The following MSI2 variants were observed in gnomAD, a reference collection of about 807,000 sequenced individuals.
The protein encoded by MSI2 is RNA-binding protein Musashi homolog 2.
In MSI2, 17 loss-of-function variants were observed where a neutral mutation model predicts 45.6. That is an observed-to-expected ratio of 0.37 (90% confidence interval 0.26 to 0.56). The LOEUF (loss-of-function observed/expected upper bound fraction) is 0.56. MSI2 is among the 20% of genes least tolerant of loss of function. MSI2 has a pLI of 0.77. For missense variants in MSI2, 293 were observed against 444.2 expected (o/e 0.66, Z 3.06); for synonymous variants, 156 against 158.2 (o/e 0.99, Z 0.11).
rs1193320236 is a variant in MSI2 at position 57,400,033 on chromosome 17, G to C, written c.313-1346G>C. Among the ~76,000 whole-genome samples the C allele has an allele frequency of 2.6e-5, 4 of 152,190 alleles. No homozygotes were observed. In the East Asian group the frequency reaches 7.7e-4, roughly 29 times the overall value. ...ATGCTTCAGCATCCTACATCACATC[G>C]AGTTGCAGTAGAAACAGATGACATT... On this transcript the variant is annotated intron_variant, in intron 5 of 13. Transcript: ENST00000284073.
intron 11 of MSI2, among the ~76,000 whole-genome samples, chr17:57,653,033 C>T (rs960149890): frequency 4.0e-5 from 6 of 148,966 alleles, no homozygotes; most frequent in South Asian, 2.3e-4. Flanking sequence ...CCACGCCCCA[C>T]GGACAGGGCT....
At chr17:57,565,386 C>T (rs904949375) in intron 7 of MSI2, among the ~76,000 whole-genome samples, 3 of 152,222 alleles carry the variant, frequency 2.0e-5, no homozygotes, top group Non-Finnish European at 2.9e-5. Context: ...TCAGTGCACT[C>T]AGTGCTCCCG....
At position 57,661,080 on chromosome 17, in the gene MSI2, A is replaced by T. The variant is rs543804335; in HGVS notation, c.790+8919A>T. Reference sequence around the variant, plus strand: ...TTGTAAACACTCCATAGATGTTAGTATATAGCTGCTCAAGAAGCAGTAGGC... The same window carrying T: ...TTGTAAACACTCCATAGATGTTAGTTTATAGCTGCTCAAGAAGCAGTAGGC... On this transcript the variant is annotated intron_variant, in intron 11 of 13. Coordinates refer to ENST00000284073, the MANE Select transcript of MSI2 (RefSeq NM_138962.4). Among the ~76,000 whole-genome samples, 4 of 152,352 alleles carry T rather than the reference A, an allele frequency of 2.6e-5. 2 individuals carry two copies. Among genetic ancestry groups the T allele is most frequent in the East Asian group, 3.9e-4 (2 of 5,184 alleles).
At chr17:57,350,888 G>T (rs1476969993) in intron 5 of MSI2, among the ~76,000 whole-genome samples, 1 of 152,108 alleles carries the variant, frequency 6.6e-6, no homozygotes, top group Non-Finnish European at 1.5e-5. Flanking sequence ...TTGAATGAGG[G>T]GATTGTTTAC....
At chr17:57,390,427 G>A (rs1013748996) in intron 5 of MSI2, among the ~76,000 whole-genome samples, 1 of 152,128 alleles carries the variant, frequency 6.6e-6, no homozygotes, top group Non-Finnish European at 1.5e-5. Context: ...TGGGGCCCAG[G>A]TATCAGTAAG....
At chr17:57,278,870 C>T (rs1304338437) in intron 5 of MSI2, 4 of 152,252 alleles carry the variant, frequency 2.6e-5, no homozygotes, top group Non-Finnish European at 5.9e-5. Context: ...GGCACCAGCA[C>T]CTGTTTCTCA....
At chr17:57,569,157 A>G (rs1259759359) in intron 7 of MSI2, among the ~76,000 whole-genome samples, 2 of 152,058 alleles carry the variant, frequency 1.3e-5, no homozygotes, top group Non-Finnish European at 2.9e-5. Flanking sequence ...CTAAGCTTAG[A>G]TTTAGCTGGG....
chr17:57,388,880 C>T (rs1051237383), intron 5 of MSI2, among the ~76,000 whole-genome samples: 2 of 152,072 alleles, frequency 1.3e-5, no homozygotes, highest in Non-Finnish European at 2.9e-5. Context: ...TCTCAAACTC[C>T]TGACCTCAAG....
chr17:57,435,709 G>C (rs769557357), intron 6 of MSI2, among the ~76,000 whole-genome samples: 7 of 152,230 alleles, frequency 4.6e-5, no homozygotes, highest in Non-Finnish European at 8.8e-5. Context: ...GAGGGCCTCA[G>C]GGCTATGCTG....
intron 11 of MSI2, among the ~76,000 whole-genome samples, chr17:57,658,459 T>C (rs1911760429): frequency 6.6e-6 from 1 of 152,212 alleles, no homozygotes; most frequent in South Asian, 2.1e-4. Flanking sequence ...AGTCCAGCAT[T>C]GGATTTCAGT....
rs1264908358 is a variant in MSI2 at position 57,652,014 on chromosome 17, G to A, written c.728-85G>A. On this transcript the variant is annotated intron_variant, in intron 10 of 13. Coordinates refer to ENST00000284073, the MANE Select transcript of MSI2 (RefSeq NM_138962.4). This position sits in a 1 kb window ranked among gnomAD's most constrained non-coding sequence, Gnocchi z 4.1. ...ACTCCTGTCTTTGTGTGGAGGGCGG[G>A]GGGTTGTGTGGCCCGTGACCTAGGT... 5 of 1,246,006 alleles carry A rather than the reference G, an allele frequency of 4.0e-6. No individual in the cohort carries two copies. Among genetic ancestry groups the A allele is most frequent in the African/African-American group, 1.5e-5 (1 of 67,588 alleles). The allele number at this position is 1,246,006 out of a possible 1,614,324, so 77.2% of individuals were successfully genotyped here. A position where few individuals can be genotyped will look rare whatever the true frequency, so the allele number is the denominator to read the frequency against.
chr17:57,530,600 G>T (rs1032993739), intron 7 of MSI2, among the ~76,000 whole-genome samples: 4 of 152,210 alleles, frequency 2.6e-5, no homozygotes, highest in African/African-American at 9.6e-5. Flanking sequence ...TCCTAAGGGG[G>T]TGGCAGGAAA....
chr17:57,686,627 G>C (rs1913890599), downstream of MSI2, among the ~76,000 whole-genome samples: 1 of 152,140 alleles, frequency 6.6e-6, no homozygotes, highest in African/African-American at 2.4e-5. Flanking sequence ...GTATCAGACA[G>C]AGTGGAATTT....
intron 6 of MSI2, among the ~76,000 whole-genome samples, chr17:57,498,294 G>A (rs1366304426): frequency 2.0e-5 from 3 of 152,214 alleles, no homozygotes; most frequent in African/African-American, 7.2e-5. Context: ...GTCCTATCCA[G>A]GAGTAATTAA....
chr17:57,606,152 G>T (rs1439130832), intron 8 of MSI2: 2 of 152,540 alleles, frequency 1.3e-5, no homozygotes, highest in African/African-American at 4.8e-5. Context: ...AATCTGCTGT[G>T]CTGGGGAGGC....
intron 5 of MSI2, among the ~76,000 whole-genome samples, chr17:57,375,929 C>T (rs1480778928): frequency 6.6e-6 from 1 of 152,196 alleles, no homozygotes; most frequent in Admixed American, 6.5e-5. Context: ...CGCCCAGGAG[C>T]AGCAGGCTGA....
At chr17:57,612,822 A>G (rs1907299406) in intron 8 of MSI2, among the ~76,000 whole-genome samples, 1 of 152,172 alleles carries the variant, frequency 6.6e-6, no homozygotes, top group African/African-American at 2.4e-5. Context: ...AATGCAGTAG[A>G]TTGTCACCGA....
At chr17:57,489,859 C>G (rs144270369) in intron 6 of MSI2, among the ~76,000 whole-genome samples, 1 of 152,300 alleles carries the variant, frequency 6.6e-6, no homozygotes, top group East Asian at 1.9e-4. Context: ...GTCCAAGTAT[C>G]TCTTGGTGTT....
intron 5 of MSI2, among the ~76,000 whole-genome samples, chr17:57,375,896 C>A (rs566171914): frequency 6.6e-6 from 1 of 152,188 alleles, no homozygotes; most frequent in African/African-American, 2.4e-5. Flanking sequence ...CCCCAGGCCG[C>A]GTTAGCCGAT....
Sources: gnomAD v4.1 joint callset for allele counts (sites outside exome capture counted in the v4.1 genomes callset) on GRCh38, gnomAD v4.1.1 for gene constraint, Gnocchi (gnomAD v3.1) non-coding constraint, MANE v1.5 for transcripts, NCBI Gene and HGNC (gene_info 2026-07-23, HGNC 2026-07-21) for gene names.